The following ADGB variants were observed in gnomAD, a reference collection of about 807,000 sequenced individuals.
ADGB encodes androglobin.
In ADGB, 172 loss-of-function variants were observed where a neutral mutation model predicts 210.5. That is an observed-to-expected ratio of 0.82 (90% CI 0.72 to 0.93). The LOEUF (loss-of-function observed/expected upper bound fraction) is 0.93. Among genes scored for constraint, ADGB ranks in the 40% least tolerant of loss-of-function variants. The pLI, the probability that ADGB is intolerant of heterozygous loss-of-function variation, is 0.00. For missense variants in ADGB, 2,025 were observed against 1,964.8 expected (o/e 1.03, Z -0.58); for synonymous variants, 658 against 662.7 (o/e 0.99, Z 0.11).
At chr6:146,711,840 G>A (rs888752409) in intron 13 of ADGB, among the ~76,000 whole-genome samples, 5 of 151,866 alleles carry the variant, frequency 3.3e-5, no homozygotes, top group African/African-American at 4.8e-5. Context: ...GGCAGCCTGC[G>A]CAAGACAGTG....
At chr6:146,791,077 A>G (rs1777948299) in intron 33 of ADGB, among the ~76,000 whole-genome samples, 1 of 152,050 alleles carries the variant, frequency 6.6e-6, no homozygotes, top group South Asian at 2.1e-4. Context: ...AGTTCCTTGT[A>G]TGTATTGAAT....
intron 32 of ADGB, among the ~76,000 whole-genome samples, 173 bp from the exon 33 acceptor site, chr6:146,788,216 G>A (rs1227826220): frequency 6.6e-6 from 1 of 152,126 alleles, no homozygotes; most frequent in Admixed American, 6.6e-5. Flanking sequence ...CTTCCTGCCT[G>A]GGTCAGCCTT....
Position 146,800,054 on chromosome 6 carries a change from C to T in ADGB, c.4538-1129C>T, listed in dbSNP as rs200292045. 4.3e-4 allele frequency among the ~76,000 whole-genome samples: 65 copies of T among 152,216 alleles called. No homozygotes were observed. The East Asian group carries it at 7.7e-3, about 18-fold the overall frequency. On this transcript the variant is annotated intron_variant, in intron 33 of 35. Transcript: ENST00000397944. ...TGAACTCCTGACCTCGTGATCCACC[C>T]GCCTTGGCCTCCCAAAGTGTTGGGA...
At chr6:146,646,963 A>G (rs1326721462) in intron 3 of ADGB, among the ~76,000 whole-genome samples, 1 of 151,792 alleles carries the variant, frequency 6.6e-6, no homozygotes, top group Non-Finnish European at 1.5e-5. Context: ...GTAATGCATG[A>G]CTGTAATCCC....
chr6:146,791,354 T>G (rs1315046993), intron 33 of ADGB, among the ~76,000 whole-genome samples: 2 of 152,196 alleles, frequency 1.3e-5, no homozygotes, highest in Non-Finnish European at 2.9e-5. Flanking sequence ...TATTTTTAGT[T>G]GATCATTTTT....
At chr6:146,802,721 C>G in intron 35 of ADGB, 1 of 1,391,598 alleles carries the variant, frequency 7.2e-7, no homozygotes, top group Non-Finnish European at 9.9e-7. Context: ...AGTTCTCAGA[C>G]GAGACTTTTT....
intron 25 of ADGB, among the ~76,000 whole-genome samples, chr6:146,742,791 C>A (rs955789137): frequency 2.6e-5 from 4 of 152,190 alleles, no homozygotes; most frequent in Admixed American, 2.6e-4. Flanking sequence ...GTCCAACCTG[C>A]GGCCCATAGG....
intron 13 of ADGB, among the ~76,000 whole-genome samples, chr6:146,707,026 C>G (rs1244195454): frequency 6.6e-6 from 1 of 151,674 alleles, no homozygotes; most frequent in South Asian, 2.1e-4. Context: ...TTACTGCATC[C>G]TATAAATTTT....
intron 1 of ADGB, among the ~76,000 whole-genome samples, chr6:146,603,945 A>G (rs529905738): frequency 2.2e-4 from 33 of 152,270 alleles, no homozygotes; most frequent in Non-Finnish European, 3.5e-4. Flanking sequence ...GCGTTCAGAA[A>G]AGAAACCTCC....
At chr6:146,782,420 T>C (rs1287200956) in intron 30 of ADGB, among the ~76,000 whole-genome samples, 1 of 152,218 alleles carries the variant, frequency 6.6e-6, no homozygotes, top group Non-Finnish European at 1.5e-5. Flanking sequence ...ACACTATTCA[T>C]GGCACTTGGG....
At chr6:146,632,914 G>A (rs1463688040) in intron 1 of ADGB, among the ~76,000 whole-genome samples, 1 of 152,000 alleles carries the variant, frequency 6.6e-6, no homozygotes, top group Non-Finnish European at 1.5e-5. Context: ...GCATCCCTGG[G>A]TGTGCCCCTT....
chr6:146,815,058 A>T lies in ADGB; in HGVS notation c.4845A>T (p.Lys1615Asn), dbSNP rs778626523. ...MQDSLDEARQ[K>N]IFDIREEYRN... The stretch of plus-strand genomic sequence containing the variant: ...ACTCCTTAGATGAAGCCCGACAGAA[A>T]ATTTTCGACATCCGGGAAGAGTACA... Residue 1615 changes from lysine (K) to asparagine (N), a missense_variant, in exon 36 of 36, where the codon AAA (lysine) becomes AAT (asparagine). Transcript: ENST00000397944. The T allele has an allele frequency of 1.0e-5, 16 of 1,544,806 alleles. No individual in the cohort carries two copies. The South Asian group carries it at 1.8e-4, about 17-fold the overall frequency.
At chr6:146,633,568 A>G (rs1311753499) in intron 1 of ADGB, among the ~76,000 whole-genome samples, 1 of 152,092 alleles carries the variant, frequency 6.6e-6, no homozygotes, top group African/African-American at 2.4e-5. Context: ...CTAAGTCAGG[A>G]TGTCCTCTGC....
chr6:146,807,992 G>GTTTTTTTTTTTTTTTTTTTT (rs369961809), intron 35 of ADGB, among the ~76,000 whole-genome samples: 2 of 103,162 alleles, frequency 1.9e-5, no homozygotes, highest in Non-Finnish European at 3.6e-5. Context: ...CTATGCTTCA[G>GTTTTTTTTTTTTTTTTTTTT]TTTTTTTTTT....
chr6:146,781,811 C>CA (rs1309915437), intron 29 of ADGB, among the ~76,000 whole-genome samples: 1 of 152,136 alleles, frequency 6.6e-6, no homozygotes, highest in African/African-American at 2.4e-5. Context: ...CGGGTTCATC[C>CA]ACTCACTCAA....
rs146902458 is a variant in ADGB, at chr6:146,646,990, G to A, written c.330+2125G>A. Among the ~76,000 whole-genome samples, 6 of 151,862 alleles carry A rather than the reference G, an allele frequency of 4.0e-5. No homozygotes were observed. In the East Asian group the frequency reaches 1.2e-3, roughly 29 times the overall value. Reference sequence around the variant, plus strand: ...TGTAATCCCAGCTACCCAGGAGGCTGAGGCATGTGAATCACTCGAACCTGG... The same window carrying A: ...TGTAATCCCAGCTACCCAGGAGGCTAAGGCATGTGAATCACTCGAACCTGG... On this transcript the variant is annotated intron_variant, in intron 3 of 35. Coordinates refer to ENST00000397944, the MANE Select transcript of ADGB (RefSeq NM_024694.4).
At chr6:146,674,610 C>T (rs1177865284) in intron 8 of ADGB, among the ~76,000 whole-genome samples, 1 of 152,154 alleles carries the variant, frequency 6.6e-6, no homozygotes, top group Admixed American at 6.6e-5. Flanking sequence ...TGTTTATACA[C>T]AGCCTAGCTA....
intron 33 of ADGB, among the ~76,000 whole-genome samples, chr6:146,794,909 A>G (rs1030469286): frequency 1.3e-5 from 2 of 152,190 alleles, no homozygotes; most frequent in African/African-American, 4.8e-5. Flanking sequence ...GTACACTGCC[A>G]GAACTTTGAA....
intron 1 of ADGB, among the ~76,000 whole-genome samples, chr6:146,603,440 C>T (rs1296887275): frequency 6.6e-6 from 1 of 152,128 alleles, no homozygotes. Context: ...ACACTTTATA[C>T]ACTAAAATAC....
Sources: allele counts gnomAD v4.1 joint callset (sites outside exome capture counted in the v4.1 genomes callset), GRCh38; gene constraint gnomAD v4.1.1; transcripts MANE v1.5; gene names NCBI Gene and HGNC (gene_info 2026-07-23, HGNC 2026-07-21).